CDC25B: variants seen among roughly 807,000 people sequenced by gnomAD.
CDC25B encodes cell division cycle 25B, also known as M-phase inducer phosphatase 2.
In CDC25B, 33 loss-of-function variants were observed where a neutral mutation model predicts 69.8. The observed-to-expected ratio is 0.47, with a 90% confidence interval of 0.36 to 0.63. The LOEUF (loss-of-function observed/expected upper bound fraction) is 0.63. CDC25B is among the 30% of genes least tolerant of loss of function. The pLI is 0.00. For synonymous variants in CDC25B, 341 were observed against 314.6 expected (o/e 1.08, Z -0.89); for missense variants, 727 against 809.1 (o/e 0.90, Z 1.23).
At position 3,805,952 on chromosome 20, in the gene CDC25B, G is replaced by A. The variant is rs1318827406; in HGVS notation, c.*991G>A. ...GTGTGGACAAAAATATTTACACTTA[G>A]GGTTTGGAGCTATTCAAGAGGAAAT... On this transcript the variant is annotated 3_prime_UTR_variant, in exon 16 of 16. Coordinates refer to ENST00000245960, the MANE Select transcript of CDC25B (RefSeq NM_021873.4). 1 of 401,982 alleles carries A rather than the reference G, an allele frequency of 2.5e-6. No homozygotes were observed. The highest frequency in any genetic ancestry group is 4.4e-6 in the Non-Finnish European group (1 of 227,136). 24.9% of individuals were successfully genotyped at this position (401,982 alleles called of 1,614,324 possible). A position where few individuals can be genotyped will look rare whatever the true frequency, so the allele number is the denominator to read the frequency against.
rs1361177003 is a variant in CDC25B, at chr20:3,800,738, TC to T, written c.460-4del. On this transcript the variant is annotated splice_polypyrimidine_tract_variant and splice_region_variant and intron_variant, in intron 5 of 15. Transcript: ENST00000245960. ...CTCTGCCTGCCGCCCTGCCTGGCTCTCTAGGTGAGGCTGCTGGGCCACAGCC... is the reference window on the plus strand; with the variant it reads ...CTCTGCCTGCCGCCCTGCCTGGCTCTTAGGTGAGGCTGCTGGGCCACAGCC... 6.2e-7 allele frequency: 1 copy of T among 1,607,908 alleles called. No individual in the cohort carries two copies. Among genetic ancestry groups the T allele is most frequent in the African/African-American group, 1.3e-5 (1 of 74,928 alleles).
upstream of CDC25B, among the ~76,000 whole-genome samples, chr20:3,791,410 T>C (rs1249948419): frequency 6.6e-6 from 1 of 152,116 alleles, no homozygotes; most frequent in Non-Finnish European, 1.5e-5. Flanking sequence ...CTACTGGGTG[T>C]GGTGGCTCAT....
chr20:3,790,626 A>G (rs552544388), intron 1 of CDC25B, among the ~76,000 whole-genome samples: 2 of 151,938 alleles, frequency 1.3e-5, no homozygotes, highest in Admixed American at 6.6e-5. Context: ...GCTAGAGTGC[A>G]ATGGTGCAAT....
chr20:3,799,641 C>T (rs926895778), intron 3 of CDC25B, among the ~76,000 whole-genome samples: 2 of 151,964 alleles, frequency 1.3e-5, no homozygotes, highest in Admixed American at 6.6e-5. Flanking sequence ...CTGCTGGCCT[C>T]TTCTAAGGCA....
Position 3,805,636 on chromosome 20 carries a change from G to A in CDC25B, c.*675G>A, listed in dbSNP as rs11570023. The A allele has an allele frequency of 7.4e-4, 272 of 367,922 alleles. 3 individuals carry two copies. The highest frequency in any genetic ancestry group is 5.3e-3 in the Middle Eastern group (8 of 1,506). 22.8% of individuals were successfully genotyped at this position (367,922 alleles called of 1,614,324 possible). A position where few individuals can be genotyped will look rare whatever the true frequency, so the allele number is the denominator to read the frequency against. ...CCTGTCAAATATCAGTTACCCACTC[G>A]GTCCCAGTTTTGTTGCCCCAGAAAG... On this transcript the variant is annotated 3_prime_UTR_variant, in exon 16 of 16. Coordinates refer to ENST00000245960, the MANE Select transcript of CDC25B (RefSeq NM_021873.4).
chr20:3,793,256 G>A (rs903089265), upstream of CDC25B, among the ~76,000 whole-genome samples: 4 of 152,112 alleles, frequency 2.6e-5, no homozygotes, highest in Admixed American at 6.5e-5. Context: ...TCAGGAGTTC[G>A]AGACCAGCCT....
intron 11 of CDC25B, 74 bp from the exon 12 acceptor site, chr20:3,802,835 AC>A (rs1482636937): frequency 7.9e-7 from 1 of 1,270,222 alleles, no homozygotes. Flanking sequence ...TGGGAATGAA[AC>A]TTCATTCTTT....
At chr20:3,800,395 A>ATGCTGCATGCTCTTGGTCCCTGCCC in intron 4 of CDC25B, 66 bp downstream of exon 4, 3 of 1,611,980 alleles carry the variant, frequency 1.9e-6, no homozygotes, top group Non-Finnish European at 8.5e-7. Context: ...CCAGAAGGGC[A>ATGCTGCATGCTCTTGGTCCCTGCCC]TGCTGCATGC....
Position 3,802,982 on chromosome 20 carries a change from G to A in CDC25B, c.1257+10G>A, listed in dbSNP as rs375745615. Reference sequence around the variant, plus strand: ...CATCTCACCAGAAACGGTAAACAGCGTTGCGTCATTTTCTAGGCAGATTTG... The same window carrying A: ...CATCTCACCAGAAACGGTAAACAGCATTGCGTCATTTTCTAGGCAGATTTG... On this transcript the variant is annotated intron_variant, in intron 12 of 15. Transcript: ENST00000245960. 8.1e-6 allele frequency: 13 copies of A among 1,612,796 alleles called. No individual in the cohort carries two copies. Among genetic ancestry groups the A allele is most frequent in the South Asian group, 5.5e-5 (5 of 91,052 alleles).
chr20:3,791,850 G>A (rs2088919761), upstream of CDC25B, among the ~76,000 whole-genome samples: 1 of 152,182 alleles, frequency 6.6e-6, no homozygotes, highest in Admixed American at 6.5e-5. Context: ...TATTGTTATG[G>A]TACTAATATG....
At chr20:3,800,204 C>G (rs1006233068) in intron 3 of CDC25B, 84 bp from the exon 4 acceptor site, 19 of 551,782 alleles carry the variant, frequency 3.4e-5, no homozygotes, top group Admixed American at 1.1e-4. Flanking sequence ...TGCCCTTACT[C>G]CCCCCTGGAC....
chr20:3,794,923 C>T (rs1057129740), upstream of CDC25B, among the ~76,000 whole-genome samples: 27 of 152,198 alleles, frequency 1.8e-4, no homozygotes, highest in African/African-American at 6.3e-4. Flanking sequence ...CCCCCCGCAC[C>T]ACCACCCGCC....
At chr20:3,790,823 G>T (rs987276499) in intron 1 of CDC25B, among the ~76,000 whole-genome samples, 1 of 151,192 alleles carries the variant, frequency 6.6e-6, no homozygotes, top group African/African-American at 2.4e-5. Flanking sequence ...ACCTGCCTGG[G>T]CCTCCCAAAG....
Position 3,796,489 on chromosome 20 carries a change from C to G in CDC25B, c.-43C>G. On this transcript the variant is annotated 5_prime_UTR_variant, in exon 1 of 16. Transcript: ENST00000245960. ...GCTGTGCCGGCGTTTGTTGGCTGCC[C>G]TGCGCCCGGCCCTCCAGCCAGCCTT... The G allele has an allele frequency of 7.4e-7, 1 of 1,345,300 alleles. No individual in the cohort carries two copies. Among genetic ancestry groups the G allele is most frequent in the Non-Finnish European group, 9.6e-7 (1 of 1,037,090 alleles). The allele number at this position is 1,345,300 out of a possible 1,614,324, so 83.3% of individuals were successfully genotyped here. A position where few individuals can be genotyped will look rare whatever the true frequency, so the allele number is the denominator to read the frequency against.
rs1220564625 is a variant in CDC25B at position 3,799,519 on chromosome 20, TGTGTGTGC to T, written c.381-767_381-760del. Among the ~76,000 whole-genome samples the T allele has an allele frequency of 2.9e-3, 143 of 49,886 alleles. 1 individual carries two copies. The highest frequency in any genetic ancestry group is 9.5e-3 in the African/African-American group (102 of 10,728). 32.7% of individuals were successfully genotyped at this position (49,886 alleles called of 152,430 possible). On this transcript the variant is annotated intron_variant, in intron 3 of 15. Coordinates refer to ENST00000245960, the MANE Select transcript of CDC25B (RefSeq NM_021873.4). The stretch of plus-strand genomic sequence containing the variant: ...GTGTGTGTGTGTGTGTGTGTGTGTG[TGTGTGTGC>T]GCGCGCGCGCGTAGATGCACAAAAG...
At chr20:3,802,146 G>C in intron 10 of CDC25B, 46 bp downstream of exon 10, 2 of 1,538,390 alleles carry the variant, frequency 1.3e-6, no homozygotes, top group Non-Finnish European at 1.8e-6. Flanking sequence ...CACCTGGGCA[G>C]CCACCCCCTT....
intron 3 of CDC25B, among the ~76,000 whole-genome samples, chr20:3,799,188 T>A (rs1411200260): frequency 4.6e-5 from 7 of 152,194 alleles, no homozygotes; most frequent in Admixed American, 1.3e-4. Context: ...GGATAGTGAC[T>A]TGTCTTACCT....
chr20:3,802,701 C>T, intron 11 of CDC25B: 1 of 612,102 alleles, frequency 1.6e-6, no homozygotes, highest in Admixed American at 2.9e-5. Context: ...CTTCCACTTC[C>T]CTTTTTCATT....
upstream of CDC25B, among the ~76,000 whole-genome samples, chr20:3,794,477 C>T (rs146754740): frequency 1.2e-4 from 18 of 149,576 alleles, no homozygotes; most frequent in African/African-American, 4.2e-4. Flanking sequence ...GGGGGGGATA[C>T]CTGTTGTGTT....
Sources: gnomAD v4.1 joint callset for allele counts (sites outside exome capture counted in the v4.1 genomes callset) on GRCh38, gnomAD v4.1.1 for gene constraint, MANE v1.5 for transcripts, NCBI Gene and HGNC (gene_info 2026-07-23, HGNC 2026-07-21) for gene names.